Variants in CCM2 observed in about 807,000 individuals in gnomAD.
The protein encoded by CCM2 is cerebral cavernous malformations 2 protein.
CCM2 carries 25 observed loss-of-function variants against 44.9 expected under a neutral mutation model. That is an observed-to-expected ratio of 0.56 (90% CI 0.41 to 0.78). The LOEUF (loss-of-function observed/expected upper bound fraction) is 0.78. Among genes scored for constraint, CCM2 ranks in the 30% least tolerant of loss-of-function variants. The pLI is 0.00. For synonymous variants in CCM2, 219 were observed against 241.1 expected, an observed-to-expected ratio of 0.91 and a Z score of 0.85; for missense variants, 481 against 580.6, an observed-to-expected ratio of 0.83 and a Z score of 1.76.
intron 1 of CCM2, among the ~76,000 whole-genome samples, chr7:45,021,816 C>T (rs1397756134): frequency 2.0e-5 from 3 of 152,018 alleles, no homozygotes; most frequent in Admixed American, 6.6e-5. Flanking sequence ...TGTTGCCTTG[C>T]GTGGCTGTGA....
intron 2 of CCM2, among the ~76,000 whole-genome samples, chr7:45,053,486 G>A (rs1798105742): frequency 6.6e-6 from 1 of 152,152 alleles, no homozygotes; most frequent in African/African-American, 2.4e-5. Flanking sequence ...CCTGCCCATG[G>A]AAACTCCAGC....
chr7:45,023,504 C>T (rs984566554), intron 1 of CCM2, among the ~76,000 whole-genome samples: 3 of 152,092 alleles, frequency 2.0e-5, no homozygotes, highest in Admixed American at 6.5e-5. Flanking sequence ...GAGCTGAGAT[C>T]GTGCCACTGG....
intron 1 of CCM2, among the ~76,000 whole-genome samples, chr7:45,007,427 C>G (rs1465962263): frequency 6.6e-6 from 1 of 152,210 alleles, no homozygotes; most frequent in Non-Finnish European, 1.5e-5. Flanking sequence ...TCAAATGATT[C>G]TACAGGTATG....
intron 1 of CCM2, among the ~76,000 whole-genome samples, chr7:45,014,767 G>A (rs893046514): frequency 1.2e-4 from 18 of 151,716 alleles, no homozygotes. Flanking sequence ...GATCACAGGC[G>A]TGCACCACCA....
At chr7:45,068,407 C>G (rs753358163) in intron 4 of CCM2, 36 bp from the exon 5 acceptor site, 2 of 1,613,842 alleles carry the variant, frequency 1.2e-6, no homozygotes, top group East Asian at 2.2e-5. Flanking sequence ...GCCTGCCCTT[C>G]CACTGTGCTA....
chr7:45,009,402 G>GTTTT (rs66697662), intron 1 of CCM2, among the ~76,000 whole-genome samples: 3 of 74,810 alleles, frequency 4.0e-5, no homozygotes, highest in Non-Finnish European at 6.9e-5. Context: ...GGCTATACTT[G>GTTTT]TTTTTTTTTT....
At chr7:45,047,184 T>G (rs1797798476) in intron 2 of CCM2, among the ~76,000 whole-genome samples, 1 of 152,196 alleles carries the variant, frequency 6.6e-6, no homozygotes, top group Non-Finnish European at 1.5e-5. Flanking sequence ...CACGTGCAAC[T>G]ACGAACAACT....
chr7:45,075,900 G>T lies in CCM2; in HGVS notation c.1178G>T (p.Ser393Ile). 1 of 1,613,258 alleles carries T rather than the reference G, an allele frequency of 6.2e-7. No individual in the cohort carries two copies. The highest frequency in any genetic ancestry group is 1.3e-5 in the African/African-American group (1 of 75,052). Residue 393 changes from serine (S) to isoleucine (I), a missense_variant, in exon 10 of 10, where the codon AGC (serine) becomes ATC (isoleucine). Ser to Ile is a moderately radical substitution (Grantham distance 142). Transcript: ENST00000258781. ...TTTGGCAGGCACCGGCGGGCCCTGA[G>T]CACCACATCCAGTTCCACCACCAAT... is the stretch of plus-strand genomic sequence containing the variant. ...DSFGRHRRAL[S>I]TTSSSTTNGN...
intron 2 of CCM2, among the ~76,000 whole-genome samples, chr7:45,052,408 A>T (rs578000319): frequency 6.6e-6 from 1 of 152,250 alleles, no homozygotes; most frequent in South Asian, 2.1e-4. Context: ...TCTTTCTGTC[A>T]GCTGTGTATT....
chr7:45,059,596 A>G (rs1032164707), intron 2 of CCM2, among the ~76,000 whole-genome samples: 11 of 151,992 alleles, frequency 7.2e-5, no homozygotes, highest in Non-Finnish European at 1.5e-4. Context: ...AAAAAATACA[A>G]AAATTAGCTG....
intron 1 of CCM2, among the ~76,000 whole-genome samples, chr7:45,015,352 G>A (rs1176040642): frequency 5.3e-5 from 8 of 152,104 alleles, no homozygotes; most frequent in Non-Finnish European, 1.0e-4. Flanking sequence ...ACTCCTAGCT[G>A]TGCTAGGCAA....
intron 2 of CCM2, among the ~76,000 whole-genome samples, chr7:45,050,530 C>T (rs917667057): frequency 3.3e-5 from 5 of 152,210 alleles, no homozygotes; most frequent in Admixed American, 6.5e-5. Context: ...CTCTGAGGAA[C>T]GCAGTGTTTA....
chr7:45,026,794 G>A (rs966003732), intron 1 of CCM2, among the ~76,000 whole-genome samples: 1 of 151,704 alleles, frequency 6.6e-6, no homozygotes, highest in African/African-American at 2.4e-5. Context: ...GTAGAGACGG[G>A]GTTTCACCGT....
intron 2 of CCM2, among the ~76,000 whole-genome samples, chr7:45,045,746 A>G (rs1223367752): frequency 1.3e-5 from 2 of 152,142 alleles, no homozygotes; most frequent in Non-Finnish European, 2.9e-5. Context: ...AGCCCAGATC[A>G]TGCCGCTGCA....
chr7:45,028,574 T>G (rs1023675081), intron 1 of CCM2, among the ~76,000 whole-genome samples: 1 of 152,014 alleles, frequency 6.6e-6, no homozygotes, highest in African/African-American at 2.4e-5. Flanking sequence ...GGAGAATCAC[T>G]TGAACCCGGG....
intron 1 of CCM2, among the ~76,000 whole-genome samples, chr7:45,001,890 C>G (rs1308838012): frequency 1.3e-5 from 2 of 152,166 alleles, no homozygotes; most frequent in Non-Finnish European, 1.5e-5. Context: ...ATTTCATTTT[C>G]TCACTAGAGG....
At chr7:45,075,729 G>A in intron 9 of CCM2, 48 bp from the exon 10 acceptor site, 1 of 1,612,160 alleles carries the variant, frequency 6.2e-7, no homozygotes, top group South Asian at 1.1e-5. Flanking sequence ...AGAGCTGAGT[G>A]GGCTGAGCCG....
Position 45,029,827 on chromosome 7 carries a change from C to T in CCM2, c.31-8426C>T, listed in dbSNP as rs192443371. ...TTCTCACTAGGTAAGCCCTAGTAGGCCAGATTTAGTTTTAGTTTTTTAACT... is the reference window on the plus strand; with the variant it reads ...TTCTCACTAGGTAAGCCCTAGTAGGTCAGATTTAGTTTTAGTTTTTTAACT... On this transcript the variant is annotated intron_variant, in intron 1 of 9. Transcript: ENST00000258781. 1.4e-4 allele frequency among the ~76,000 whole-genome samples: 21 copies of T among 152,290 alleles called. No homozygotes were observed. In the East Asian group the frequency reaches 2.3e-3, roughly 17 times the overall value.
intron 1 of CCM2, among the ~76,000 whole-genome samples, chr7:45,001,609 G>C (rs996651010): frequency 2.0e-5 from 3 of 152,240 alleles, no homozygotes; most frequent in Non-Finnish European, 2.9e-5. Context: ...GGATCCAAGA[G>C]CGCGCTAAGG....
Sources: gnomAD v4.1 joint callset for allele counts (sites outside exome capture counted in the v4.1 genomes callset) on GRCh38, gnomAD v4.1.1 for gene constraint, MANE v1.5 for transcripts, NCBI Gene and HGNC (gene_info 2026-07-23, HGNC 2026-07-21) for gene names.